Variants in VASP observed in about 807,000 individuals in gnomAD.
VASP encodes vasodilator-stimulated phosphoprotein.
Under a neutral mutation model 54.4 loss-of-function variants are expected in VASP, and 27 were observed. The ratio of observed to expected loss-of-function variants is 0.50; its 90% CI spans 0.37 to 0.68. The LOEUF (loss-of-function observed/expected upper bound fraction) is 0.68. Among genes scored for constraint, VASP ranks in the 30% least tolerant of loss-of-function variants. The probability of loss-of-function intolerance (pLI) is 0.00; values close to 1 mark genes in which losing one functional copy is unlikely to be tolerated. For synonymous variants in VASP, 233 were observed against 209.8 expected (o/e 1.11, Z -0.96); for missense variants, 488 against 528.3 (o/e 0.92, Z 0.75).
intron 1 of VASP, among the ~76,000 whole-genome samples, chr19:45,512,756 C>T (rs1215176107): frequency 6.6e-6 from 1 of 151,986 alleles, no homozygotes; most frequent in East Asian, 1.9e-4. Flanking sequence ...CCCGCCACCA[C>T]GCCTGGCTAA....
chr19:45,516,469 G>C (rs1410656465), intron 1 of VASP, among the ~76,000 whole-genome samples: 3 of 152,160 alleles, frequency 2.0e-5, no homozygotes, highest in African/African-American at 7.2e-5. Context: ...AGTGGTGGAG[G>C]GGGGTGCGTA....
intron 3 of VASP, among the ~76,000 whole-genome samples, chr19:45,520,822 G>A (rs1236060035): frequency 6.6e-6 from 1 of 152,216 alleles, no homozygotes; most frequent in Non-Finnish European, 1.5e-5. Flanking sequence ...AAATTAGCCA[G>A]GCATGGTGGC....
chr19:45,519,565 C>G (rs1190210337), intron 3 of VASP, among the ~76,000 whole-genome samples: 2 of 150,266 alleles, frequency 1.3e-5, no homozygotes, highest in Non-Finnish European at 3.0e-5. Context: ...GCTGGGATTA[C>G]AGGCATGAGC....
At chr19:45,510,506 G>A (rs965149784) in intron 1 of VASP, among the ~76,000 whole-genome samples, 5 of 152,164 alleles carry the variant, frequency 3.3e-5, no homozygotes, top group South Asian at 2.1e-4. Context: ...TATTACAGAC[G>A]TCAGCCACCA....
chr19:45,519,565 C>A (rs1190210337), intron 3 of VASP, among the ~76,000 whole-genome samples: 1 of 150,266 alleles, frequency 6.7e-6, no homozygotes. Context: ...GCTGGGATTA[C>A]AGGCATGAGC....
At position 45,524,674 on chromosome 19, in the gene VASP, G is replaced by A. The variant is rs1167096652; in HGVS notation, c.1047+14G>A. 133 of 1,612,512 alleles carry A rather than the reference G, an allele frequency of 8.2e-5. No individual in the cohort carries two copies. Among genetic ancestry groups the A allele is most frequent in the Non-Finnish European group, 1.1e-4 (131 of 1,178,912 alleles). On this transcript the variant is annotated intron_variant, in intron 11 of 12. Transcript: ENST00000245932. ...AGGGTGAAACAGGTAACTTGGGGGGGAAGTTGGGGACCACAGCAAGAGAGA... is the reference window on the plus strand; with the variant it reads ...AGGGTGAAACAGGTAACTTGGGGGGAAAGTTGGGGACCACAGCAAGAGAGA...
intron 3 of VASP, among the ~76,000 whole-genome samples, chr19:45,519,613 T>TG (rs71173175): frequency 2.0e-5 from 3 of 149,318 alleles, no homozygotes; most frequent in African/African-American, 4.9e-5. Flanking sequence ...TTTTTTTTTT[T>TG]GGAGACGGAG....
At chr19:45,512,762 G>A (rs1968626100) in intron 1 of VASP, among the ~76,000 whole-genome samples, 1 of 151,772 alleles carries the variant, frequency 6.6e-6, no homozygotes, top group South Asian at 2.1e-4. Context: ...ACCACGCCTG[G>A]CTAATTTTTT....
intron 1 of VASP, among the ~76,000 whole-genome samples, chr19:45,516,577 C>T (rs889468010): frequency 1.3e-5 from 2 of 152,220 alleles, no homozygotes; most frequent in East Asian, 1.9e-4. Context: ...CTGCCCTCTG[C>T]TCTGCTAACC....
intron 1 of VASP, among the ~76,000 whole-genome samples, chr19:45,512,363 A>G (rs1968616126): frequency 6.7e-6 from 1 of 148,904 alleles, no homozygotes; most frequent in Non-Finnish European, 1.5e-5. Flanking sequence ...ATCTCAGCTC[A>G]CTGCAACCTC....
At chr19:45,512,850 T>C (rs1599929550) in intron 1 of VASP, among the ~76,000 whole-genome samples, 1 of 149,344 alleles carries the variant, frequency 6.7e-6, no homozygotes, top group Non-Finnish European at 1.5e-5. Flanking sequence ...CCGCCTGCCT[T>C]GGCCTCCCAA....
At chr19:45,511,626 T>C (rs142874066) in intron 1 of VASP, among the ~76,000 whole-genome samples, 133 of 152,294 alleles carry the variant, frequency 8.7e-4, no homozygotes, top group Middle Eastern at 3.4e-3. Flanking sequence ...TGGGCAGAAC[T>C]CCTTTCCATC....
intron 1 of VASP, among the ~76,000 whole-genome samples, chr19:45,510,727 G>GT (rs1448521039): frequency 6.6e-6 from 1 of 152,136 alleles, no homozygotes; most frequent in African/African-American, 2.4e-5. Flanking sequence ...GAGCCCAGGA[G>GT]TTTGAGAACA....
intron 3 of VASP, among the ~76,000 whole-genome samples, chr19:45,519,216 G>A (rs1053986067): frequency 3.3e-5 from 5 of 152,076 alleles, no homozygotes; most frequent in African/African-American, 1.2e-4. Context: ...AGGTTTCACC[G>A]TGTTAGCCAG....
intron 1 of VASP, among the ~76,000 whole-genome samples, chr19:45,515,471 C>T (rs1357189015): frequency 6.6e-6 from 1 of 152,146 alleles, no homozygotes; most frequent in Non-Finnish European, 1.5e-5. Flanking sequence ...CCCAGTGGTG[C>T]CCATGAGAGG....
intron 1 of VASP, among the ~76,000 whole-genome samples, chr19:45,514,602 C>G (rs1968665002): frequency 6.6e-6 from 1 of 152,176 alleles, no homozygotes. Context: ...CCTTGGTCAC[C>G]CAGCAGGCGC....
intron 3 of VASP, 90 bp downstream of exon 3, chr19:45,518,184 G>C (rs879450861): frequency 3.4e-6 from 5 of 1,491,946 alleles, no homozygotes; most frequent in African/African-American, 1.4e-5. Flanking sequence ...TGGTTTACTC[G>C]TCGGTAAAAT....
chr19:45,507,813 G>A lies in VASP; in HGVS notation c.5+37G>A. The A allele has an allele frequency of 2.2e-6, 3 of 1,355,198 alleles. No individual in the cohort carries two copies. The highest frequency in any genetic ancestry group is 2.8e-6 in the Non-Finnish European group (3 of 1,058,258). The allele number at this position is 1,355,198 out of a possible 1,614,324, so 83.9% of individuals were successfully genotyped here. ...CTGCCCCCCGACCCGTCCCCGCCCGGGCGGGCTCCGCGCCCCGCCTTTGTC... is the reference window on the plus strand; with the variant it reads ...CTGCCCCCCGACCCGTCCCCGCCCGAGCGGGCTCCGCGCCCCGCCTTTGTC... On this transcript the variant is annotated intron_variant, in intron 1 of 12. Transcript: ENST00000245932. This position sits in a 1 kb window ranked among gnomAD's most constrained non-coding sequence, Gnocchi z 4.4.
At chr19:45,511,398 A>C (rs193149265) in intron 1 of VASP, among the ~76,000 whole-genome samples, 122 of 151,788 alleles carry the variant, frequency 8.0e-4, no homozygotes, top group African/African-American at 2.9e-3. Flanking sequence ...CTTACAATGA[A>C]CCCAGTGAGT....
Sources: gnomAD v4.1 joint callset for allele counts (sites outside exome capture counted in the v4.1 genomes callset) on GRCh38, gnomAD v4.1.1 for gene constraint, Gnocchi (gnomAD v3.1) non-coding constraint, MANE v1.5 for transcripts, NCBI Gene and HGNC (gene_info 2026-07-23, HGNC 2026-07-21) for gene names.